EYS: variants seen among roughly 807,000 people sequenced by gnomAD.
EYS encodes the protein protein eyes shut homolog.
Under a neutral mutation model 282.1 loss-of-function variants are expected in EYS, and 250 were observed. That is an observed-to-expected ratio of 0.89 (90% CI 0.80 to 0.98). The LOEUF is 0.98. Among genes scored for constraint, EYS ranks in the 50% least tolerant of loss-of-function variants. The pLI, the probability that EYS is intolerant of heterozygous loss-of-function variation, is 0.00. For synonymous variants in EYS, 1,355 were observed against 1,282.9 expected (o/e 1.06, Z -1.20); for missense variants, 4,016 against 3,709.0 (o/e 1.08, Z -2.15).
rs974287317 is a variant in EYS, at chr6:64,392,721, G to C, written c.5928-3881C>G. Among the ~76,000 whole-genome samples, 27 of 146,038 alleles carry C rather than the reference G, an allele frequency of 1.8e-4. 1 individual carries two copies. Among genetic ancestry groups the C allele is most frequent in the Admixed American group, 5.5e-4 (8 of 14,610 alleles). On this transcript the variant is annotated intron_variant, in intron 28 of 42. Transcript: ENST00000503581. ...CCTAACATCACAATTAAAATAACTA[G>C]AAAAGCAAGAGCAAACACTTTCAAA...
intron 12 of EYS, among the ~76,000 whole-genome samples, chr6:65,292,403 G>A (rs896808393): frequency 4.6e-5 from 7 of 151,730 alleles, no homozygotes; most frequent in South Asian, 2.1e-4. Flanking sequence ...CTGGAATGTC[G>A]AAGGAAGCAA....
At chr6:65,167,901 T>G (rs1765012548) in intron 12 of EYS, among the ~76,000 whole-genome samples, 1 of 151,418 alleles carries the variant, frequency 6.6e-6, no homozygotes, top group African/African-American at 2.4e-5. Context: ...TTTGGTGTTA[T>G]GTTTCTATAT....
At chr6:65,081,397 G>T (rs1007751243) in intron 12 of EYS, among the ~76,000 whole-genome samples, 1 of 151,708 alleles carries the variant, frequency 6.6e-6, no homozygotes, top group Non-Finnish European at 1.5e-5. Flanking sequence ...GCCCTTACTT[G>T]TTCTGTTAGT....
At chr6:64,558,413 T>C (rs1765297771) in intron 26 of EYS, among the ~76,000 whole-genome samples, 1 of 152,038 alleles carries the variant, frequency 6.6e-6, no homozygotes, top group African/African-American at 2.4e-5. Flanking sequence ...CTGCTAAACA[T>C]TACAATGCAT....
At chr6:64,455,222 A>AT (rs2150480746) in intron 26 of EYS, among the ~76,000 whole-genome samples, 1 of 152,122 alleles carries the variant, frequency 6.6e-6, no homozygotes, top group African/African-American at 2.4e-5. Context: ...AAACACGTTT[A>AT]TTTTTAATAA....
intron 5 of EYS, among the ~76,000 whole-genome samples, chr6:65,452,604 T>G (rs1182196674): frequency 6.6e-6 from 1 of 152,030 alleles, no homozygotes; most frequent in East Asian, 1.9e-4. Flanking sequence ...AATCAAAATG[T>G]CATTTAGAAG....
At chr6:65,563,812 A>T (rs1769158234) in intron 2 of EYS, among the ~76,000 whole-genome samples, 1 of 152,032 alleles carries the variant, frequency 6.6e-6, no homozygotes, top group Non-Finnish European at 1.5e-5. Context: ...GTGGGCCACA[A>T]CTCCCAATAA....
chr6:65,003,743 C>G (rs996966128), intron 13 of EYS, among the ~76,000 whole-genome samples: 1 of 147,084 alleles, frequency 6.8e-6, no homozygotes, highest in African/African-American at 2.4e-5. Context: ...AAAGAACCTA[C>G]GTGAATATCA....
At chr6:64,499,782 A>G (rs372727069) in intron 26 of EYS, among the ~76,000 whole-genome samples, 24 of 152,218 alleles carry the variant, frequency 1.6e-4, no homozygotes, top group African/African-American at 5.5e-4. Flanking sequence ...CATAACAATA[A>G]GTTATGTTAA....
chr6:65,415,382 TG>T (rs1458224996), intron 5 of EYS, among the ~76,000 whole-genome samples: 1 of 152,074 alleles, frequency 6.6e-6, no homozygotes. Flanking sequence ...TGTGAAGCAT[TG>T]ATCCAAATAT....
intron 12 of EYS, among the ~76,000 whole-genome samples, chr6:65,277,955 T>C (rs1423238290): frequency 6.6e-6 from 1 of 151,848 alleles, no homozygotes; most frequent in East Asian, 1.9e-4. Flanking sequence ...GGTGTTTCTA[T>C]AACACCTGGA....
intron 8 of EYS, among the ~76,000 whole-genome samples, chr6:65,381,254 G>A (rs1765599236): frequency 1.3e-5 from 2 of 152,018 alleles, no homozygotes; most frequent in African/African-American, 2.4e-5. Context: ...AAGAAACTGT[G>A]GCACATATAC....
At chr6:65,629,612 A>G (rs12195089) in intron 2 of EYS, among the ~76,000 whole-genome samples, 54,051 of 152,000 alleles carry the variant, frequency 0.36, 11,998 homozygotes, top group Non-Finnish European at 0.49. Context: ...GCACTCTTCA[A>G]CTAATCAACA....
At chr6:63,974,629 AAT>A (rs1766746752) in intron 35 of EYS, among the ~76,000 whole-genome samples, 1 of 152,040 alleles carries the variant, frequency 6.6e-6, no homozygotes, top group Non-Finnish European at 1.5e-5. Flanking sequence ...TGATATAAAA[AAT>A]ATGAGTGGAA....
In EYS at chr6:65,136,395, C is replaced by T. The variant is rs116340506; in HGVS notation, c.2024-78668G>A. On this transcript the variant is annotated intron_variant, in intron 12 of 42. Coordinates refer to ENST00000503581, the MANE Select transcript of EYS (RefSeq NM_001142800.2). ...GGTCATTATAGTACAAATCATATTA[C>T]GATCACTTTTTTATAGTTAGAATTA... is the stretch of plus-strand genomic sequence containing the variant. Among the ~76,000 whole-genome samples the T allele has an allele frequency of 9.2e-3, 1,393 of 151,878 alleles. 20 individuals are homozygous for T. Among genetic ancestry groups the T allele is most frequent in the African/African-American group, 0.032 (1,305 of 41,368 alleles).
At chr6:65,470,794 AAGAG>A (rs1331309447) in intron 5 of EYS, among the ~76,000 whole-genome samples, 1 of 152,144 alleles carries the variant, frequency 6.6e-6, no homozygotes, top group African/African-American at 2.4e-5. Flanking sequence ...TGATACCAAG[AAGAG>A]AAATTGTTAC....
intron 33 of EYS, among the ~76,000 whole-genome samples, chr6:64,022,814 GAACAATACAT>G (rs1218940994): frequency 5.3e-5 from 8 of 152,256 alleles, no homozygotes; most frequent in Admixed American, 1.3e-4. Context: ...TTTTCCTGAA[GAACAATACAT>G]AACATTTCTT....
At chr6:65,063,286 T>A (rs1028343867) in intron 12 of EYS, among the ~76,000 whole-genome samples, 18 of 152,150 alleles carry the variant, frequency 1.2e-4, no homozygotes, top group African/African-American at 4.3e-4. Context: ...CTGAACTTGT[T>A]TGATCACCAT....
chr6:64,919,762 A>G (rs1232740672), intron 15 of EYS, among the ~76,000 whole-genome samples: 1 of 152,168 alleles, frequency 6.6e-6, no homozygotes, highest in African/African-American at 2.4e-5. Context: ...CAACTGGTCA[A>G]TAATCTTTTT....
Sources: allele counts gnomAD v4.1 joint callset (sites outside exome capture counted in the v4.1 genomes callset), GRCh38; gene constraint gnomAD v4.1.1; transcripts MANE v1.5; gene names NCBI Gene and HGNC (gene_info 2026-07-23, HGNC 2026-07-21).